The following HIPK2 variants were observed in gnomAD, a reference collection of about 807,000 sequenced individuals.
The protein encoded by HIPK2 is homeodomain interacting protein kinase 2.
In HIPK2, 27 loss-of-function variants were observed where a neutral mutation model predicts 113.7. That is an observed-to-expected ratio of 0.24 (90% confidence interval 0.17 to 0.33). The LOEUF is 0.33. Among genes scored for constraint, HIPK2 ranks in the 10% least tolerant of loss-of-function variants. The probability of loss-of-function intolerance (pLI) is 1.00; values close to 1 mark genes in which losing one functional copy is unlikely to be tolerated. For synonymous variants in HIPK2, 631 were observed against 642.2 expected (o/e 0.98, Z 0.26); for missense variants, 1,257 against 1,588.0 (o/e 0.79, Z 3.54).
intron 2 of HIPK2, among the ~76,000 whole-genome samples, chr7:139,680,338 A>C (rs1802655137): frequency 2.0e-5 from 3 of 152,348 alleles, no homozygotes; most frequent in Admixed American, 2.0e-4. Flanking sequence ...AAGCAGCCCC[A>C]GTAGGGCTTG....
At position 139,665,605 on chromosome 7, in the gene HIPK2, T is replaced by C. The variant is rs73486030; in HGVS notation, c.1104-33880A>G. On this transcript the variant is annotated intron_variant, in intron 2 of 14. Transcript: ENST00000406875. Reference sequence around the variant, plus strand: ...ATCCATCCATCCATCCATCCATCCATCCACCCATGGTGCTTAGTCACAATT... The same window carrying C: ...ATCCATCCATCCATCCATCCATCCACCCACCCATGGTGCTTAGTCACAATT... Among the ~76,000 whole-genome samples the C allele has an allele frequency of 7.8e-3, 1,162 of 149,544 alleles. 8 individuals are homozygous for C. The highest frequency in any genetic ancestry group is 0.023 in the South Asian group (110 of 4,700).
chr7:139,610,552 CTG>C (rs1799778946), intron 9 of HIPK2, among the ~76,000 whole-genome samples: 3 of 152,340 alleles, frequency 2.0e-5, no homozygotes, highest in African/African-American at 7.2e-5. Context: ...AAAAAGTTCT[CTG>C]TTTACAAACT....
At chr7:139,652,008 T>C (rs901617967) in intron 2 of HIPK2, among the ~76,000 whole-genome samples, 48 of 152,206 alleles carry the variant, frequency 3.2e-4, no homozygotes, top group African/African-American at 1.1e-3. Flanking sequence ...ACTCAGTGAA[T>C]ATCTGCCGGA....
At chr7:139,628,831 A>G in intron 5 of HIPK2, 122 bp downstream of exon 5, 1 of 800,816 alleles carries the variant, frequency 1.2e-6, no homozygotes, top group Non-Finnish European at 2.0e-6. Flanking sequence ...ATTTAAGGTC[A>G]AGGTCAACCA....
At chr7:139,629,084 T>G in intron 4 of HIPK2, 45 bp from the exon 5 acceptor site, 1 of 1,486,876 alleles carries the variant, frequency 6.7e-7, no homozygotes, top group South Asian at 1.2e-5. Flanking sequence ...ACTTAGCTCC[T>G]CATCACTGGG....
chr7:139,594,534 A>T (rs1799131366), intron 12 of HIPK2, among the ~76,000 whole-genome samples: 1 of 152,184 alleles, frequency 6.6e-6, no homozygotes, highest in Admixed American at 6.5e-5. Flanking sequence ...TAAATAAAAC[A>T]GCTACTGGTT....
At chr7:139,727,031 G>A (rs1212827772) in intron 1 of HIPK2, among the ~76,000 whole-genome samples, 2 of 152,286 alleles carry the variant, frequency 1.3e-5, no homozygotes, top group South Asian at 2.1e-4. Context: ...GCCAGGTTAG[G>A]GAATGGGCGC....
chr7:139,722,642 C>T (rs886599718), intron 1 of HIPK2, among the ~76,000 whole-genome samples: 2 of 151,954 alleles, frequency 1.3e-5, no homozygotes, highest in Non-Finnish European at 2.9e-5. Flanking sequence ...ACACAGCAGG[C>T]TCCAGGACAG....
chr7:139,680,483 GA>G (rs1802661382), intron 2 of HIPK2, among the ~76,000 whole-genome samples: 1 of 152,198 alleles, frequency 6.6e-6, no homozygotes, highest in Admixed American at 6.5e-5. Flanking sequence ...GTTTTGAGGG[GA>G]TGCTGTTTTA....
intron 1 of HIPK2, among the ~76,000 whole-genome samples, chr7:139,770,076 T>G (rs1365179938): frequency 6.6e-6 from 1 of 152,232 alleles, no homozygotes; most frequent in East Asian, 1.9e-4. Flanking sequence ...TGCTATCCGC[T>G]CAGATTCTGG....
intron 13 of HIPK2, among the ~76,000 whole-genome samples, chr7:139,583,030 G>A (rs879505492): frequency 2.0e-5 from 3 of 152,194 alleles, no homozygotes; most frequent in Non-Finnish European, 4.4e-5. Context: ...GCTTCCTGGC[G>A]TTCCCTTTCC....
chr7:139,723,343 G>A (rs893365472), intron 1 of HIPK2, among the ~76,000 whole-genome samples: 6 of 151,852 alleles, frequency 4.0e-5, no homozygotes, highest in Admixed American at 6.6e-5. Flanking sequence ...ATAGACGTGC[G>A]CCACCACGCC....
intron 9 of HIPK2, among the ~76,000 whole-genome samples, chr7:139,606,689 T>A (rs925271443): frequency 6.6e-6 from 1 of 152,196 alleles, no homozygotes; most frequent in Non-Finnish European, 1.5e-5. Context: ...AAATGACTAG[T>A]CCAAGAGAAA....
chr7:139,580,157 G>A (rs1461600760), intron 13 of HIPK2, among the ~76,000 whole-genome samples: 1 of 152,208 alleles, frequency 6.6e-6, no homozygotes, highest in East Asian at 1.9e-4. Flanking sequence ...TTGCTCTGCG[G>A]CGGGTCACAG....
At chr7:139,619,612 A>C (rs188289806) in intron 7 of HIPK2, among the ~76,000 whole-genome samples, 125 of 152,294 alleles carry the variant, frequency 8.2e-4, no homozygotes, top group African/African-American at 2.9e-3. Flanking sequence ...CATGACTCGG[A>C]GAAAGGACAG....
intron 2 of HIPK2, among the ~76,000 whole-genome samples, chr7:139,640,894 G>A (rs1424294053): frequency 6.6e-6 from 1 of 152,072 alleles, no homozygotes; most frequent in East Asian, 1.9e-4. Context: ...GGGATTATGG[G>A]TATGAGCCAC....
At chr7:139,708,295 A>G (rs1018450910) in intron 2 of HIPK2, among the ~76,000 whole-genome samples, 1 of 152,074 alleles carries the variant, frequency 6.6e-6, no homozygotes. Flanking sequence ...ATGGGTATAT[A>G]CTCAGCCCCG....
intron 2 of HIPK2, among the ~76,000 whole-genome samples, chr7:139,669,109 A>T (rs1802168407): frequency 6.6e-6 from 1 of 152,310 alleles, no homozygotes; most frequent in East Asian, 1.9e-4. Flanking sequence ...TAATCCCTTT[A>T]CCTAACAACT....
intron 2 of HIPK2, among the ~76,000 whole-genome samples, chr7:139,653,139 C>CAA (rs533809782): frequency 9.8e-4 from 74 of 75,282 alleles, no homozygotes; most frequent in Non-Finnish European, 1.2e-3. Context: ...GACTCTGTCT[C>CAA]AAAAAAAAAA....
Sources: allele counts gnomAD v4.1 joint callset (sites outside exome capture counted in the v4.1 genomes callset), GRCh38; gene constraint gnomAD v4.1.1; transcripts MANE v1.5; gene names NCBI Gene and HGNC (gene_info 2026-07-23, HGNC 2026-07-21).